EYS: variants seen among roughly 807,000 people sequenced by gnomAD.
The protein encoded by EYS is protein eyes shut homolog.
A neutral mutation model predicts 282.1 loss-of-function variants in EYS; 250 were observed. That is an observed-to-expected ratio of 0.89 (90% CI 0.80 to 0.98). The LOEUF (loss-of-function observed/expected upper bound fraction) is 0.98, where lower values mean the gene tolerates loss of function less well. Among genes scored for constraint, EYS ranks in the 50% least tolerant of loss-of-function variants. The probability of loss-of-function intolerance (pLI) is 0.00; values close to 1 mark genes in which losing one functional copy is unlikely to be tolerated. For synonymous variants in EYS, 1,355 were observed against 1,282.9 expected (o/e 1.06, Z -1.20); for missense variants, 4,016 against 3,709.0 (o/e 1.08, Z -2.15).
intron 31 of EYS, among the ~76,000 whole-genome samples, chr6:64,151,983 G>T (rs1774756289): frequency 6.6e-6 from 1 of 152,034 alleles, no homozygotes; most frequent in Non-Finnish European, 1.5e-5. Flanking sequence ...TTTGAGCACT[G>T]CCTTTCCTAG....
intron 5 of EYS, among the ~76,000 whole-genome samples, chr6:65,428,504 C>A (rs962816863): frequency 4.8e-5 from 7 of 146,660 alleles, no homozygotes; most frequent in Non-Finnish European, 1.1e-4. Context: ...TGTCATTAAA[C>A]TCATTTTTTT....
intron 36 of EYS, among the ~76,000 whole-genome samples, chr6:63,814,762 CAT>C (rs1335660906): frequency 1.3e-5 from 2 of 152,152 alleles, no homozygotes; most frequent in African/African-American, 4.8e-5. Context: ...ATCCCTGAAA[CAT>C]ATAGGTTCAA....
chr6:64,242,795 TC>T (rs1488864609), intron 30 of EYS, among the ~76,000 whole-genome samples: 1 of 149,264 alleles, frequency 6.7e-6, no homozygotes, highest in Non-Finnish European at 1.5e-5. Context: ...CTCACATTTT[TC>T]ATCCTTCAAA....
At chr6:63,731,019 CA>C (rs1332539385) in intron 41 of EYS, among the ~76,000 whole-genome samples, 1 of 151,692 alleles carries the variant, frequency 6.6e-6, no homozygotes, top group African/African-American at 2.4e-5. Flanking sequence ...GACTCCACTT[CA>C]AAAAAAATTA....
chr6:64,489,688 G>C (rs888834747), intron 26 of EYS, among the ~76,000 whole-genome samples: 2 of 149,970 alleles, frequency 1.3e-5, no homozygotes, highest in African/African-American at 4.9e-5. Flanking sequence ...TATCAGCTTA[G>C]ACTGATAGAA....
intron 2 of EYS, among the ~76,000 whole-genome samples, chr6:65,579,467 A>C (rs1156530221): frequency 6.6e-6 from 1 of 152,176 alleles, no homozygotes; most frequent in African/African-American, 2.4e-5. Context: ...AAAAGAAAAT[A>C]TCATAGACTG....
At chr6:65,439,181 T>C (rs1281831532) in intron 5 of EYS, among the ~76,000 whole-genome samples, 1 of 152,144 alleles carries the variant, frequency 6.6e-6, no homozygotes, top group East Asian at 1.9e-4. Context: ...TGGTATTATT[T>C]CTGAGGGCTG....
chr6:65,104,667 T>C (rs982386041), intron 12 of EYS, among the ~76,000 whole-genome samples: 4 of 151,524 alleles, frequency 2.6e-5, no homozygotes, highest in African/African-American at 4.8e-5. Context: ...CTAAAATGCA[T>C]ATCACGACCT....
intron 33 of EYS, among the ~76,000 whole-genome samples, chr6:64,054,329 T>C (rs779254236): frequency 1.1e-3 from 171 of 152,186 alleles, no homozygotes; most frequent in Non-Finnish European, 2.3e-3. Context: ...AGGTACAATT[T>C]CATAGAAAAA....
chr6:65,470,501 A>G (rs1765172134), intron 5 of EYS, among the ~76,000 whole-genome samples: 1 of 152,178 alleles, frequency 6.6e-6, no homozygotes, highest in Non-Finnish European at 1.5e-5. Flanking sequence ...ATCTAAATAT[A>G]CATTCAATTT....
chr6:64,502,974 T>C (rs1415094792), intron 26 of EYS, among the ~76,000 whole-genome samples: 1 of 152,208 alleles, frequency 6.6e-6, no homozygotes, highest in Non-Finnish European at 1.5e-5. Context: ...ACTGATAGTT[T>C]TTAGATGAGC....
chr6:64,513,975 T>C (rs1011368636), intron 26 of EYS, among the ~76,000 whole-genome samples: 3 of 151,812 alleles, frequency 2.0e-5, no homozygotes, highest in African/African-American at 7.2e-5. Flanking sequence ...AAGTGTAGCA[T>C]GAATGGACCA....
At chr6:64,846,240 T>C (rs563019004) in intron 19 of EYS, among the ~76,000 whole-genome samples, 2 of 152,278 alleles carry the variant, frequency 1.3e-5, no homozygotes, top group African/African-American at 4.8e-5. Flanking sequence ...AGCCTTTCAT[T>C]AAAACATTGC....
At chr6:64,994,247 A>C (rs1771173686) in intron 14 of EYS, among the ~76,000 whole-genome samples, 1 of 152,072 alleles carries the variant, frequency 6.6e-6, no homozygotes. Context: ...CTGAACCATA[A>C]AGAAAGGAAA....
At chr6:64,806,299 A>T (rs1764422167) in intron 22 of EYS, among the ~76,000 whole-genome samples, 1 of 151,900 alleles carries the variant, frequency 6.6e-6, no homozygotes, top group African/African-American at 2.4e-5. Flanking sequence ...TTGTACAATC[A>T]ATATCACTAC....
At chr6:64,990,713 T>C (rs570645836) in intron 14 of EYS, among the ~76,000 whole-genome samples, 64 of 151,732 alleles carry the variant, frequency 4.2e-4, no homozygotes, top group African/African-American at 1.5e-3. Context: ...ATGGATTTCT[T>C]AAATCTCAAA....
chr6:64,337,191 G>T (rs777371318), intron 29 of EYS, among the ~76,000 whole-genome samples: 1 of 151,972 alleles, frequency 6.6e-6, no homozygotes, highest in Non-Finnish European at 1.5e-5. Flanking sequence ...GAAACAAAAA[G>T]CTGGTTCTTT....
intron 26 of EYS, among the ~76,000 whole-genome samples, chr6:64,532,675 T>C (rs2152819): frequency 0.89 from 136,133 of 152,160 alleles, 61,089 homozygotes; most frequent in African/African-American, 0.97. Flanking sequence ...CGCCACTGCA[T>C]TCCAGCCTGG....
chr6:64,924,417 T>G (rs1768446383), intron 15 of EYS, among the ~76,000 whole-genome samples: 1 of 152,164 alleles, frequency 6.6e-6, no homozygotes, highest in South Asian at 2.1e-4. Flanking sequence ...GCTGTGAAGG[T>G]CTCTGGCATG....
Sources: gnomAD v4.1 joint callset for allele counts (sites outside exome capture counted in the v4.1 genomes callset) on GRCh38, gnomAD v4.1.1 for gene constraint, MANE v1.5 for transcripts, NCBI Gene and HGNC (gene_info 2026-07-23, HGNC 2026-07-21) for gene names.